The following KCNT2 variants were observed in gnomAD, a reference collection of about 807,000 sequenced individuals.
KCNT2 encodes potassium channel subfamily T member 2.
Under a neutral mutation model 153.8 loss-of-function variants are expected in KCNT2, and 67 were observed. That is an observed-to-expected ratio of 0.44 (90% confidence interval 0.36 to 0.53). KCNT2 has a LOEUF of 0.53. Among genes scored for constraint, KCNT2 ranks in the 20% least tolerant of loss-of-function variants. The pLI, the probability that KCNT2 is intolerant of heterozygous loss-of-function variation, is 0.00. For missense variants in KCNT2, 975 were observed against 1,354.8 expected (o/e 0.72, Z 4.40); for synonymous variants, 500 against 458.8 (o/e 1.09, Z -1.15).
At chr1:196,430,115 C>A (rs28641930) in intron 8 of KCNT2, among the ~76,000 whole-genome samples, 7 of 150,652 alleles carry the variant, frequency 4.6e-5, no homozygotes, top group Non-Finnish European at 1.0e-4. Flanking sequence ...TTTTCTTTTT[C>A]TTTTTTTTTA....
At chr1:196,486,758 A>G (rs1188720390) in intron 3 of KCNT2, among the ~76,000 whole-genome samples, 1 of 151,986 alleles carries the variant, frequency 6.6e-6, no homozygotes, top group South Asian at 2.1e-4. Flanking sequence ...CAAATAATAA[A>G]TAAAACAGGA....
chr1:196,500,307 AGG>A lies in KCNT2; in HGVS notation c.96-7968_96-7967del, dbSNP rs1558012516. Among the ~76,000 whole-genome samples the A allele has an allele frequency of 3.8e-4, 17 of 45,150 alleles. 1 individual carries two copies. The South Asian group carries it at 9.2e-3, about 24-fold the overall frequency. The allele number at this position is 45,150 out of a possible 152,430, so 29.6% of individuals were successfully genotyped here. A position where few individuals can be genotyped will look rare whatever the true frequency, so the allele number is the denominator to read the frequency against. On this transcript the variant is annotated intron_variant, in intron 1 of 27. Transcript: ENST00000294725. ...GAGGGAGGGAGGGAGGGAGGGAGGG[AGG>A]GAGGGAGGGAGGGAAAGAAAGAAAA...
intron 1 of KCNT2, among the ~76,000 whole-genome samples, chr1:196,549,210 G>T (rs1462145474): frequency 6.6e-6 from 1 of 151,790 alleles, no homozygotes; most frequent in African/African-American, 2.4e-5. Context: ...TATAATTTTG[G>T]CAGTTTATTT....
In KCNT2 at chr1:196,290,579, TAC is replaced by T. The variant is rs994450679; in HGVS notation, c.2596-4823_2596-4822del. ...ATATGTATAGGTGTATATATATATATACACACACACACACATATATTTCATCC... is the reference window on the plus strand; with the variant it reads ...ATATGTATAGGTGTATATATATATATACACACACACACATATATTTCATCC... On this transcript the variant is annotated intron_variant, in intron 22 of 27. Coordinates refer to ENST00000294725, the MANE Select transcript of KCNT2 (RefSeq NM_198503.5). Among the ~76,000 whole-genome samples the T allele has an allele frequency of 5.4e-3, 809 of 150,768 alleles. 5 individuals carry two copies. The highest frequency in any genetic ancestry group is 0.019 in the African/African-American group (768 of 41,218).
rs772891612 is a variant in KCNT2, at chr1:196,479,218, A to G, written c.345T>C (p.Ser115=). 2 of 1,573,164 alleles carry G rather than the reference A, an allele frequency of 1.3e-6. 1 individual carries two copies. Among genetic ancestry groups the G allele is most frequent in the South Asian group, 2.3e-5 (2 of 87,814 alleles). The change falls in exon 5 of 28, where the codon AGT becomes AGC. Residue 115 remains serine (S), a synonymous_variant. Coordinates refer to ENST00000294725, the MANE Select transcript of KCNT2 (RefSeq NM_198503.5). ...AACCAAGTAATATTGTTTCAAACAG[A>G]CTTATCAATGCCACTGAAACCTGAA... ...WGLQVSVALI[S]LFETILLGYL...
chr1:196,604,350 G>T (rs1343213601), intron 1 of KCNT2, among the ~76,000 whole-genome samples: 1 of 152,028 alleles, frequency 6.6e-6, no homozygotes, highest in African/African-American at 2.4e-5. Flanking sequence ...AACTTAATGG[G>T]GCCCTGAGAC....
At chr1:196,293,859 CAAAAAAAAA>C (rs571759690) in intron 22 of KCNT2, among the ~76,000 whole-genome samples, 1 of 115,222 alleles carries the variant, frequency 8.7e-6, no homozygotes, top group Non-Finnish European at 1.9e-5. Flanking sequence ...TCTGCACAGT[CAAAAAAAAA>C]AAAAACAAAA....
intron 14 of KCNT2, among the ~76,000 whole-genome samples, chr1:196,359,920 C>A (rs1667482555): frequency 6.6e-6 from 1 of 151,802 alleles, no homozygotes. Flanking sequence ...GCATAGACAG[C>A]CTTAAAGAAT....
intron 1 of KCNT2, among the ~76,000 whole-genome samples, chr1:196,587,113 A>G (rs10737677): frequency 0.98 from 149,570 of 152,182 alleles, 73,544 homozygotes; most frequent in Middle Eastern, 1. Flanking sequence ...ACAAGAACTG[A>G]CACTTTATAC....
intron 8 of KCNT2, among the ~76,000 whole-genome samples, chr1:196,440,087 A>G (rs920208971): frequency 6.6e-6 from 1 of 151,976 alleles, no homozygotes; most frequent in African/African-American, 2.4e-5. Flanking sequence ...GGATACAAAG[A>G]AAGTCTTATA....
chr1:196,328,919 T>G (rs1486526002), intron 18 of KCNT2, among the ~76,000 whole-genome samples: 7 of 151,982 alleles, frequency 4.6e-5, no homozygotes, highest in Non-Finnish European at 1.0e-4. Context: ...AAACAGAATC[T>G]GAAGTAATAT....
At chr1:196,434,570 C>T (rs542560485) in intron 8 of KCNT2, among the ~76,000 whole-genome samples, 2 of 152,046 alleles carry the variant, frequency 1.3e-5, no homozygotes, top group Admixed American at 1.3e-4. Context: ...TTAAAGAAAC[C>T]TCTATAACCT....
intron 5 of KCNT2, among the ~76,000 whole-genome samples, chr1:196,477,396 G>A (rs1006951757): frequency 6.6e-6 from 1 of 151,892 alleles, no homozygotes; most frequent in African/African-American, 2.4e-5. Context: ...GATCAGCCTG[G>A]GCAACATGGC....
chr1:196,470,426 A>G (rs1677990310), intron 5 of KCNT2, among the ~76,000 whole-genome samples: 1 of 152,202 alleles, frequency 6.6e-6, no homozygotes, highest in African/African-American at 2.4e-5. Context: ...ACCTATGGTC[A>G]TTTAAAAATG....
chr1:196,597,454 A>G (rs1489254498), intron 1 of KCNT2, among the ~76,000 whole-genome samples: 2 of 151,818 alleles, frequency 1.3e-5, no homozygotes, highest in Non-Finnish European at 2.9e-5. Context: ...ACAATTCTCT[A>G]TAGTTATATC....
At chr1:196,603,842 G>GAATTTTAAAC (rs1665014899) in intron 1 of KCNT2, among the ~76,000 whole-genome samples, 1 of 152,222 alleles carries the variant, frequency 6.6e-6, no homozygotes, top group Non-Finnish European at 1.5e-5. Context: ...AGTGTGTTGT[G>GAATTTTAAAC]TTCCAAAGTT....
At chr1:196,366,092 T>G (rs1668014966) in intron 14 of KCNT2, among the ~76,000 whole-genome samples, 1 of 152,142 alleles carries the variant, frequency 6.6e-6, no homozygotes, top group South Asian at 2.1e-4. Flanking sequence ...TCTCAACTTT[T>G]ACTACCTTTC....
chr1:196,341,956 G>T, intron 15 of KCNT2, 123 bp downstream of exon 15: 2 of 909,240 alleles, frequency 2.2e-6, no homozygotes, highest in Non-Finnish European at 3.2e-6. Flanking sequence ...GGGGAATATT[G>T]TGACAAAAAT....
At chr1:196,304,641 C>G (rs914374047) in intron 22 of KCNT2, among the ~76,000 whole-genome samples, 14 of 152,136 alleles carry the variant, frequency 9.2e-5, no homozygotes, top group South Asian at 4.1e-4. Context: ...CCACACTCAG[C>G]CTGTATACTG....
Sources: gnomAD v4.1 joint callset for allele counts (sites outside exome capture counted in the v4.1 genomes callset) on GRCh38, gnomAD v4.1.1 for gene constraint, MANE v1.5 for transcripts, NCBI Gene and HGNC (gene_info 2026-07-23, HGNC 2026-07-21) for gene names.